Variants in PKHD1 observed in about 807,000 individuals in gnomAD.
PKHD1 encodes fibrocystin.
PKHD1 carries 291 observed loss-of-function variants against 412.0 expected under a neutral mutation model. The observed-to-expected ratio is 0.71, with a 90% CI of 0.64 to 0.78. The LOEUF is 0.78. Ranked by LOEUF, PKHD1 falls within the 30% of genes least tolerant of loss-of-function variation. PKHD1 has a pLI of 0.00. For missense variants in PKHD1, 4,825 were observed against 4,950.7 expected (o/e 0.97, Z 0.76); for synonymous variants, 1,777 against 1,821.5 (o/e 0.98, Z 0.62).
At chr6:51,651,483 T>C (rs1026264521) in intron 61 of PKHD1, among the ~76,000 whole-genome samples, 1 of 152,158 alleles carries the variant, frequency 6.6e-6, no homozygotes, top group Non-Finnish European at 1.5e-5. Context: ...ATGAATTTTT[T>C]ATAATACATC....
chr6:51,777,743 GA>G (rs1205144911), intron 53 of PKHD1, among the ~76,000 whole-genome samples: 1 of 137,624 alleles, frequency 7.3e-6, no homozygotes, highest in Non-Finnish European at 1.6e-5. Flanking sequence ...ATACCAGAGA[GA>G]AAAAAGTAGG....
In PKHD1 at chr6:52,065,007, C is replaced by T. The variant is rs1181071222; in HGVS notation, c.924G>A (p.Glu308=). The change falls in exon 13 of 67, where the codon GAG becomes GAA. Residue 308 remains glutamate (E), a synonymous_variant. Coordinates refer to ENST00000371117, the MANE Select transcript of PKHD1 (RefSeq NM_138694.4). ...CTTTTCCTGGAGCCCGAGTGGTGCA[C>T]TCAATCTTCCTGGGAGACACGTGTC... ...DIRHVSPRKI[E]CTTRAPGKDV... The T allele has an allele frequency of 6.2e-7, 1 of 1,602,542 alleles. No homozygotes were observed. Among genetic ancestry groups the T allele is most frequent in the Admixed American group, 1.7e-5 (1 of 59,422 alleles).
At chr6:51,932,990 T>A (rs896200751) in intron 37 of PKHD1, among the ~76,000 whole-genome samples, 18 of 152,120 alleles carry the variant, frequency 1.2e-4, no homozygotes, top group African/African-American at 3.9e-4. Context: ...CTATGACAAG[T>A]GGATTATTTT....
intron 60 of PKHD1, among the ~76,000 whole-genome samples, chr6:51,736,584 T>C (rs1783880224): frequency 6.6e-6 from 1 of 152,208 alleles, no homozygotes; most frequent in Non-Finnish European, 1.5e-5. Flanking sequence ...TGTTTAACCA[T>C]AAATATCTGC....
intron 55 of PKHD1, among the ~76,000 whole-genome samples, 175 bp downstream of exon 55, chr6:51,772,525 TTC>T (rs1790319680): frequency 6.6e-6 from 1 of 152,000 alleles, no homozygotes; most frequent in South Asian, 2.1e-4. Context: ...TTTGTTCTCC[TTC>T]TGTTATGTTA....
chr6:51,669,273 G>T (rs1774454971), intron 60 of PKHD1, among the ~76,000 whole-genome samples: 1 of 152,134 alleles, frequency 6.6e-6, no homozygotes, highest in Non-Finnish European at 1.5e-5. Flanking sequence ...GTATAGTCTT[G>T]GGAGAGTGTA....
intron 36 of PKHD1, among the ~76,000 whole-genome samples, chr6:51,955,564 T>C (rs978312842): frequency 6.6e-6 from 1 of 152,080 alleles, no homozygotes; most frequent in Non-Finnish European, 1.5e-5. Context: ...TTTCCTGTTG[T>C]ACGAGCCCAG....
intron 60 of PKHD1, among the ~76,000 whole-genome samples, chr6:51,709,665 T>C (rs949707992): frequency 4.6e-5 from 7 of 152,198 alleles, no homozygotes; most frequent in African/African-American, 1.7e-4. Context: ...ATGATTGAAA[T>C]AGACTTTTGT....
intron 60 of PKHD1, among the ~76,000 whole-genome samples, chr6:51,668,027 A>G (rs9395704): frequency 0.14 from 21,891 of 151,788 alleles, 1,569 homozygotes; most frequent in East Asian, 0.27. Context: ...TTGGTGATGC[A>G]GGCTCTTTTT....
intron 29 of PKHD1, among the ~76,000 whole-genome samples, chr6:52,032,679 A>G (rs927721634): frequency 1.3e-5 from 2 of 152,204 alleles, no homozygotes; most frequent in African/African-American, 4.8e-5. Flanking sequence ...ATTGAAGCTA[A>G]TAATCCTATA....
chr6:51,872,226 A>G, intron 46 of PKHD1, among the ~76,000 whole-genome samples: 1 of 152,184 alleles, frequency 6.6e-6, no homozygotes, highest in Non-Finnish European at 1.5e-5. Context: ...GCAGAAGGAA[A>G]GGATATAATT....
intron 54 of PKHD1, among the ~76,000 whole-genome samples, chr6:51,773,981 T>TC (rs1287847145): frequency 2.0e-5 from 3 of 152,036 alleles, no homozygotes; most frequent in African/African-American, 7.2e-5. Flanking sequence ...TTTATATATT[T>TC]CATAAGACAT....
chr6:52,049,188 T>A (rs1806355884), intron 22 of PKHD1, among the ~76,000 whole-genome samples: 1 of 152,238 alleles, frequency 6.6e-6, no homozygotes. Context: ...CAAACCTAGA[T>A]GGTACAGCCT....
At position 51,616,880 on chromosome 6, in the gene PKHD1, C is replaced by T. The variant is rs535226662; in HGVS notation, c.*2201G>A. Reference sequence around the variant, plus strand: ...CTGGCAGCTAACTCTTTGTGAAGGGCGAAATAGAATGAAGAGTCATGACTG... The same window carrying T: ...CTGGCAGCTAACTCTTTGTGAAGGGTGAAATAGAATGAAGAGTCATGACTG... On this transcript the variant is annotated 3_prime_UTR_variant, in exon 67 of 67. Transcript: ENST00000371117. 118 of 386,384 alleles carry T rather than the reference C, an allele frequency of 3.1e-4. 1 individual carries two copies. In the South Asian group the frequency reaches 0.015, roughly 50 times the overall value. 23.9% of individuals were successfully genotyped at this position (386,384 alleles called of 1,614,324 possible). A position where few individuals can be genotyped will look rare whatever the true frequency, so the allele number is the denominator to read the frequency against.
At position 51,726,903 on chromosome 6, in the gene PKHD1, G is replaced by C. The variant is rs144770465; in HGVS notation, c.10156+17482C>G. Among the ~76,000 whole-genome samples, 20 of 152,270 alleles carry C rather than the reference G, an allele frequency of 1.3e-4. No individual in the cohort carries two copies. In the East Asian group the frequency reaches 3.1e-3, roughly 23 times the overall value. On this transcript the variant is annotated intron_variant, in intron 60 of 66. Transcript: ENST00000371117. ...AGGGACTTTGAAGATATTATTAAGT[G>C]TATAGATCTTAAAGTAGGAAGACTA...
intron 55 of PKHD1, among the ~76,000 whole-genome samples, chr6:51,766,549 G>T (rs994873796): frequency 2.6e-5 from 4 of 151,564 alleles, no homozygotes; most frequent in Non-Finnish European, 4.4e-5. Flanking sequence ...ATGTTTATTA[G>T]CAAGATGTAT....
chr6:51,683,880 C>T (rs996103867), intron 60 of PKHD1, among the ~76,000 whole-genome samples: 8 of 152,034 alleles, frequency 5.3e-5, no homozygotes, highest in Non-Finnish European at 1.0e-4. Context: ...CTTCATGGAG[C>T]TTACTCAGTC....
intron 27 of PKHD1, 127 bp downstream of exon 27, chr6:52,042,732 T>C (rs1390139260): frequency 3.6e-6 from 3 of 837,328 alleles, no homozygotes; most frequent in Non-Finnish European, 5.9e-6. Context: ...TAAATACTTA[T>C]GTCAGTAAAC....
intron 55 of PKHD1, among the ~76,000 whole-genome samples, chr6:51,761,931 C>T (rs1788084764): frequency 6.6e-6 from 1 of 151,994 alleles, no homozygotes; most frequent in African/African-American, 2.4e-5. Flanking sequence ...TACCTAGTTT[C>T]TTAGGTCAAA....
Sources: gnomAD v4.1 joint callset for allele counts (sites outside exome capture counted in the v4.1 genomes callset) on GRCh38, gnomAD v4.1.1 for gene constraint, MANE v1.5 for transcripts, NCBI Gene and HGNC (gene_info 2026-07-23, HGNC 2026-07-21) for gene names.